OGN: variants seen among roughly 807,000 people sequenced by gnomAD.
The protein encoded by OGN is mimecan.
A neutral mutation model predicts 30.8 loss-of-function variants in OGN; 19 were observed. The observed-to-expected ratio is 0.62, with a 90% CI of 0.43 to 0.90. The LOEUF (loss-of-function observed/expected upper bound fraction) is 0.90. OGN is among the 40% of genes least tolerant of loss of function. OGN has a pLI of 0.00. For synonymous variants in OGN, 126 were observed against 128.3 expected (o/e 0.98, Z 0.12); for missense variants, 283 against 349.7 (o/e 0.81, Z 1.52).
At position 92,389,859 on chromosome 9, in the gene OGN, A is replaced by G. The variant is rs759672014; in HGVS notation, c.625T>C (p.Phe209Leu). 4.4e-6 allele frequency: 7 copies of G among 1,598,800 alleles called. No homozygotes were observed. Among genetic ancestry groups the G allele is most frequent in the South Asian group, 1.1e-5 (1 of 90,132 alleles). The change falls in exon 5 of 7, where the codon TTC becomes CTC. Residue 209 changes from phenylalanine (F) to leucine (L), a missense_variant. Physicochemically the swap from Phe to Leu is conservative, Grantham distance 22. Coordinates refer to ENST00000375561, the MANE Select transcript of OGN (RefSeq NM_014057.5). The part of the protein sequence containing the change: ...IKSRGIKANA[F>L]KKLNNLTFLY... ...TTTTACTATAAAATACTTACTTTGAATGCATTTGCTTTGATTCCCCTACTC... is the reference window on the plus strand; with the variant it reads ...TTTTACTATAAAATACTTACTTTGAGTGCATTTGCTTTGATTCCCCTACTC...
intron 1 of OGN, 180 bp from the exon 2 acceptor site, chr9:92,403,662 T>A: frequency 6.3e-6 from 7 of 1,102,636 alleles, no homozygotes; most frequent in Non-Finnish European, 7.8e-6. Flanking sequence ...ATAGTTTTAC[T>A]TCTCTATCAG....
Position 92,385,461 on chromosome 9 carries a change from A to G in OGN, c.*159T>C, listed in dbSNP as rs1842380641. ...AGACATTCAGTCTTACTTTTTACTT[A>G]TTATATGTAAGATTTTGAACATCCT... On this transcript the variant is annotated 3_prime_UTR_variant, in exon 7 of 7. Coordinates refer to ENST00000375561, the MANE Select transcript of OGN (RefSeq NM_014057.5). 1 of 604,516 alleles carries G rather than the reference A, an allele frequency of 1.7e-6. No homozygotes were observed. The allele number at this position is 604,516 out of a possible 1,614,324, so 37.4% of individuals were successfully genotyped here.
rs1843095230 is a variant in OGN at position 92,401,151 on chromosome 9, CTT to C, written c.207_208del (p.Leu71SerfsTer6). 6.4e-7 allele frequency: 1 copy of C among 1,552,966 alleles called. No individual in the cohort carries two copies. The highest frequency in any genetic ancestry group is 1.7e-5 in the Admixed American group (1 of 59,436). Reference sequence around the variant, plus strand: ...TGCCTCATCTTTTTGTAATTGAAGACTTTTCTCATTGGGTATTATCACAGTTT... The same window carrying C: ...TGCCTCATCTTTTTGTAATTGAAGACTTCTCATTGGGTATTATCACAGTTT... On this transcript the variant is annotated frameshift_variant, in exon 3 of 7. Transcript: ENST00000375561. LOFTEE classifies it high-confidence loss of function.
At chr9:92,397,030 A>C (rs1263343765) in intron 3 of OGN, among the ~76,000 whole-genome samples, 2 of 151,552 alleles carry the variant, frequency 1.3e-5, no homozygotes, top group East Asian at 4.0e-4. Flanking sequence ...TACAAAAATT[A>C]GCCAGGTGTG....
chr9:92,401,244 A>G, intron 2 of OGN, 59 bp from the exon 3 acceptor site: 1 of 791,252 alleles, frequency 1.3e-6, no homozygotes, highest in South Asian at 1.5e-5. Context: ...TCTCTGTAAA[A>G]TGAAGGGATC....
intron 5 of OGN, among the ~76,000 whole-genome samples, chr9:92,388,733 G>A (rs1842542771): frequency 6.6e-6 from 1 of 150,982 alleles, no homozygotes; most frequent in Non-Finnish European, 1.5e-5. Context: ...TTGGGAGGCT[G>A]AGGCAGGAGA....
At chr9:92,386,083 C>T in intron 6 of OGN, 118 bp downstream of exon 6, 1 of 725,018 alleles carries the variant, frequency 1.4e-6, no homozygotes, top group Non-Finnish European at 2.4e-6. Flanking sequence ...ATTTAGCTAT[C>T]ACGCTACTAC....
intron 3 of OGN, among the ~76,000 whole-genome samples, chr9:92,397,346 A>G (rs1339773699): frequency 1.3e-5 from 2 of 152,130 alleles, no homozygotes; most frequent in East Asian, 3.9e-4. Flanking sequence ...ATTTGTTTTT[A>G]AGACAGAGTC....
rs558656578 is a variant in OGN at position 92,387,303 on chromosome 9, G to C, written c.631-1007C>G. 4.6e-5 allele frequency among the ~76,000 whole-genome samples: 7 copies of C among 151,888 alleles called. No individual in the cohort carries two copies. In the South Asian group the frequency reaches 1.5e-3, roughly 32 times the overall value. On this transcript the variant is annotated intron_variant, in intron 5 of 6. Transcript: ENST00000375561. ...AGGCAGGAGAATTGCTTGAACCCAGGGGGTGGAGGTTGCAGTGAGCCGAGA... is the reference window on the plus strand; with the variant it reads ...AGGCAGGAGAATTGCTTGAACCCAGCGGGTGGAGGTTGCAGTGAGCCGAGA...
chr9:92,389,838 A>G lies in OGN; in HGVS notation c.630+16T>C, dbSNP rs1015089553. 7 of 1,538,154 alleles carry G rather than the reference A, an allele frequency of 4.6e-6. No individual in the cohort carries two copies. The highest frequency in any genetic ancestry group is 5.4e-6 in the Non-Finnish European group (6 of 1,114,824). ...CATCACTCATACTATGCTTAGTTTT[A>G]CTATAAAATACTTACTTTGAATGCA... is the stretch of plus-strand genomic sequence containing the variant. On this transcript the variant is annotated intron_variant, in intron 5 of 6. Coordinates refer to ENST00000375561, the MANE Select transcript of OGN (RefSeq NM_014057.5).
chr9:92,386,773 G>T (rs867417508), intron 5 of OGN, among the ~76,000 whole-genome samples: 5 of 152,042 alleles, frequency 3.3e-5, no homozygotes, highest in African/African-American at 4.8e-5. Flanking sequence ...TAGTAGAGAC[G>T]AGGTTTCACC....
chr9:92,401,206 T>G (rs769502539), intron 2 of OGN, 21 bp from the exon 3 acceptor site: 132 of 1,053,894 alleles, frequency 1.3e-4, no homozygotes, highest in Non-Finnish European at 1.9e-4. Flanking sequence ...AATAAAAGTT[T>G]GTTACCTAGC....
rs201178577 is a variant in OGN at position 92,393,188 on chromosome 9, C to T, written c.325G>A (p.Val109Ile). ...CLSGSVYCEEVDIDAVPPLPK... is the reference protein window; with the variant it reads ...CLSGSVYCEEIDIDAVPPLPK... ...AAGGGTGGTACAGCATCAATGTCAACTTCTTCACAGTATACAGAGCCACTT... is the reference window on the plus strand; with the variant it reads ...AAGGGTGGTACAGCATCAATGTCAATTTCTTCACAGTATACAGAGCCACTT... The change falls in exon 4 of 7, where the codon GTT (valine) becomes ATT (isoleucine). Residue 109 changes from valine to isoleucine, a missense_variant. Val to Ile is a conservative substitution (Grantham distance 29). Coordinates refer to ENST00000375561, the MANE Select transcript of OGN (RefSeq NM_014057.5). 2.4e-5 allele frequency: 38 copies of T among 1,613,704 alleles called. 1 individual carries two copies. The Middle Eastern group carries it at 6.6e-4, about 28-fold the overall frequency.
intron 5 of OGN, among the ~76,000 whole-genome samples, chr9:92,387,053 GAAAAAAAAAA>G (rs903436031): frequency 8.0e-5 from 4 of 50,168 alleles, no homozygotes; most frequent in East Asian, 6.4e-4. Flanking sequence ...GTCTCAAAAA[GAAAAAAAAAA>G]AAAAAAAAAA....
chr9:92,388,191 C>T (rs1389113831), intron 5 of OGN, among the ~76,000 whole-genome samples: 1 of 151,832 alleles, frequency 6.6e-6, no homozygotes, highest in Non-Finnish European at 1.5e-5. Flanking sequence ...CTGAATCTTG[C>T]TCTGTGGCCC....
At chr9:92,402,743 G>T (rs1843169923) in intron 2 of OGN, among the ~76,000 whole-genome samples, 1 of 152,158 alleles carries the variant, frequency 6.6e-6, no homozygotes, top group African/African-American at 2.4e-5. Flanking sequence ...GGTACTGTAT[G>T]TAGATGGCAT....
rs766538918 is a variant in OGN, at chr9:92,393,187, ACTT to A, written c.323_325del (p.Glu108del). ...TAAGGGTGGTACAGCATCAATGTCA[ACTT>A]CTTCACAGTATACAGAGCCACTTAA... On this transcript the variant is annotated inframe_deletion, in exon 4 of 7. Coordinates refer to ENST00000375561, the MANE Select transcript of OGN (RefSeq NM_014057.5). 1 of 1,613,858 alleles carries A rather than the reference ACTT, an allele frequency of 6.2e-7. No homozygotes were observed. The highest frequency in any genetic ancestry group is 1.1e-5 in the South Asian group (1 of 91,038).
chr9:92,388,048 G>C (rs1022116411), intron 5 of OGN, among the ~76,000 whole-genome samples: 1 of 152,126 alleles, frequency 6.6e-6, no homozygotes, highest in African/African-American at 2.4e-5. Context: ...ACAGGCATGA[G>C]CCACCGTGCC....
intron 3 of OGN, among the ~76,000 whole-genome samples, chr9:92,395,586 C>CAA (rs1408810456): frequency 1.3e-5 from 2 of 152,092 alleles, no homozygotes; most frequent in Non-Finnish European, 2.9e-5. Context: ...AAGAAAGTGT[C>CAA]AAACTATTTT....
Sources: allele counts gnomAD v4.1 joint callset (sites outside exome capture counted in the v4.1 genomes callset), GRCh38; gene constraint gnomAD v4.1.1; transcripts MANE v1.5; gene names NCBI Gene and HGNC (gene_info 2026-07-23, HGNC 2026-07-21).